DCC: variants seen among roughly 807,000 people sequenced by gnomAD.
DCC encodes netrin receptor DCC.
DCC carries 58 observed loss-of-function variants against 172.5 expected under a neutral mutation model. The observed-to-expected ratio is 0.34, with a 90% CI of 0.27 to 0.42. DCC has a LOEUF of 0.42. Ranked by LOEUF, DCC falls within the 10% of genes least tolerant of loss-of-function variation. The pLI is 1.00. For synonymous variants in DCC, 709 were observed against 644.5 expected (o/e 1.10, Z -1.52); for missense variants, 1,740 against 1,791.0 (o/e 0.97, Z 0.51).
chr18:52,527,499 T>G (rs2032018337), intron 1 of DCC, among the ~76,000 whole-genome samples: 1 of 152,216 alleles, frequency 6.6e-6, no homozygotes, highest in African/African-American at 2.4e-5. Context: ...GATTTTTTCC[T>G]CAGTTGTTTA....
At chr18:53,496,611 T>C (rs1415541081) in intron 26 of DCC, among the ~76,000 whole-genome samples, 2 of 152,140 alleles carry the variant, frequency 1.3e-5, no homozygotes, top group East Asian at 1.9e-4. Flanking sequence ...AGAATGAGTC[T>C]GATGAATTGA....
chr18:53,062,601 G>A (rs928044808), intron 5 of DCC, among the ~76,000 whole-genome samples: 4 of 152,112 alleles, frequency 2.6e-5, no homozygotes, highest in Non-Finnish European at 5.9e-5. Context: ...CAAGTCATTA[G>A]CAAAGATGTG....
At chr18:52,720,823 C>T (rs2036462109) in intron 1 of DCC, among the ~76,000 whole-genome samples, 1 of 152,168 alleles carries the variant, frequency 6.6e-6, no homozygotes, top group African/African-American at 2.4e-5. Context: ...GCACATGGGA[C>T]CCCTTCCTCG....
At chr18:52,485,822 A>G (rs1645494722) in intron 1 of DCC, among the ~76,000 whole-genome samples, 1 of 152,170 alleles carries the variant, frequency 6.6e-6, no homozygotes, top group Admixed American at 6.6e-5. Flanking sequence ...AGAATAATTC[A>G]ACAGTGGAAT....
chr18:53,351,462 GTGTGTATATATATA>G (rs2057810395), intron 15 of DCC, among the ~76,000 whole-genome samples: 2 of 16,572 alleles, frequency 1.2e-4, no homozygotes, highest in Non-Finnish European at 2.4e-4. Context: ...TATATACACA[GTGTGTATATATATA>G]TATATATATA....
intron 12 of DCC, among the ~76,000 whole-genome samples, chr18:53,290,816 A>G (rs933308468): frequency 2.0e-5 from 3 of 152,214 alleles, no homozygotes; most frequent in Non-Finnish European, 4.4e-5. Context: ...TATTTCTCCC[A>G]TCAAACACTA....
chr18:52,840,069 T>C (rs973444569), intron 2 of DCC, among the ~76,000 whole-genome samples: 11 of 152,146 alleles, frequency 7.2e-5, no homozygotes, highest in African/African-American at 2.7e-4. Context: ...TTACTTAACA[T>C]TTCTAGAAGG....
At chr18:53,255,294 C>A (rs2144666984) in intron 12 of DCC, among the ~76,000 whole-genome samples, 1 of 151,338 alleles carries the variant, frequency 6.6e-6, no homozygotes, top group African/African-American at 2.4e-5. Flanking sequence ...ATACATGTAC[C>A]ATGTTGGTGT....
intron 1 of DCC, among the ~76,000 whole-genome samples, chr18:52,343,625 T>A (rs2144224460): frequency 6.6e-6 from 1 of 152,270 alleles, no homozygotes; most frequent in Middle Eastern, 3.4e-3. Context: ...CCTTATAGAG[T>A]CTCAGGGGAT....
intron 7 of DCC, among the ~76,000 whole-genome samples, chr18:53,145,391 G>T (rs1052054534): frequency 9.9e-5 from 15 of 152,212 alleles, no homozygotes; most frequent in African/African-American, 3.6e-4. Flanking sequence ...GGGATTACAG[G>T]CATGAGCCAC....
chr18:52,574,048 C>T (rs1260107834), intron 1 of DCC, among the ~76,000 whole-genome samples: 2 of 152,160 alleles, frequency 1.3e-5, no homozygotes, highest in African/African-American at 2.4e-5. Flanking sequence ...ATAATTGCCT[C>T]CACCTCATCT....
chr18:52,560,511 G>T (rs1258139724), intron 1 of DCC, among the ~76,000 whole-genome samples: 1 of 152,104 alleles, frequency 6.6e-6, no homozygotes, highest in African/African-American at 2.4e-5. Flanking sequence ...AAACAAGTGA[G>T]CCTGTTTATG....
intron 1 of DCC, among the ~76,000 whole-genome samples, chr18:52,741,753 C>A (rs181289001): frequency 4.9e-4 from 74 of 152,238 alleles, no homozygotes; most frequent in Admixed American, 1.3e-3. Context: ...TTCACTCCAA[C>A]CCAGCTATTC....
chr18:52,953,705 A>C (rs1263709384), intron 5 of DCC, among the ~76,000 whole-genome samples: 3 of 152,234 alleles, frequency 2.0e-5, no homozygotes, highest in Non-Finnish European at 4.4e-5. Context: ...TGTCAGCTTA[A>C]CCAAACATTT....
chr18:53,416,364 T>A (rs920025822), intron 21 of DCC: 1 of 695,688 alleles, frequency 1.4e-6, no homozygotes, highest in Non-Finnish European at 2.6e-6. Context: ...GAGAGGAAAT[T>A]GTTTTGTCTC....
rs138910334 is a variant in DCC at position 52,676,948 on chromosome 18, G to C, written c.92-75106G>C. Among the ~76,000 whole-genome samples the C allele has an allele frequency of 2.9e-3, 436 of 152,264 alleles. 1 individual carries two copies. The highest frequency in any genetic ancestry group is 9.6e-3 in the African/African-American group (399 of 41,554). ...CCAGATAGCAAATGCCTTAAGGATA[G>C]AGCAGCATTTTTGATATCTTTGTTT... On this transcript the variant is annotated intron_variant, in intron 1 of 28. Coordinates refer to ENST00000442544, the MANE Select transcript of DCC (RefSeq NM_005215.4).
chr18:52,550,421 G>A (rs2032736277), intron 1 of DCC, among the ~76,000 whole-genome samples: 1 of 151,808 alleles, frequency 6.6e-6, no homozygotes, highest in Non-Finnish European at 1.5e-5. Flanking sequence ...ATATTAGTTC[G>A]ATATCTGTAT....
intron 2 of DCC, chr18:52,892,624 C>CTA (rs564210843): frequency 9.2e-5 from 14 of 152,090 alleles, no homozygotes; most frequent in Non-Finnish European, 1.8e-4. Context: ...ACATTTCAGA[C>CTA]TATAAACTTT....
At chr18:53,289,302 G>A (rs1422243927) in intron 12 of DCC, among the ~76,000 whole-genome samples, 1 of 152,090 alleles carries the variant, frequency 6.6e-6, no homozygotes, top group Non-Finnish European at 1.5e-5. Flanking sequence ...ACACGAATAG[G>A]AGACAGCAAT....
Sources: allele counts gnomAD v4.1 joint callset (sites outside exome capture counted in the v4.1 genomes callset), GRCh38; gene constraint gnomAD v4.1.1; transcripts MANE v1.5; gene names NCBI Gene and HGNC (gene_info 2026-07-23, HGNC 2026-07-21).